The following SUPT16H variants were observed in gnomAD, a reference collection of about 807,000 sequenced individuals.
The protein encoded by SUPT16H is SPT16 homolog, facilitates chromatin remodeling subunit.
Under a neutral mutation model 136.2 loss-of-function variants are expected in SUPT16H, and 24 were observed. The ratio of observed to expected loss-of-function variants is 0.18; its 90% CI spans 0.13 to 0.25. SUPT16H has a LOEUF of 0.25. SUPT16H is among the 10% of genes least tolerant of loss of function. The pLI is 1.00. For missense variants in SUPT16H, 623 were observed against 1,270.2 expected, an observed-to-expected ratio of 0.49 and a Z score of 7.74; for synonymous variants, 415 against 428.2, an observed-to-expected ratio of 0.97 and a Z score of 0.38.
intron 2 of SUPT16H, among the ~76,000 whole-genome samples, chr14:21,373,042 C>CA (rs1886821505): frequency 6.6e-6 from 1 of 152,140 alleles, no homozygotes; most frequent in African/African-American, 2.4e-5. Context: ...CTCCTGGGGT[C>CA]ATGCCATCCT....
At chr14:21,363,533 T>A (rs10139379) in intron 10 of SUPT16H, 30 bp from the exon 11 acceptor site, 1,472,687 of 1,598,450 alleles carry the variant, frequency 0.92, 679,868 homozygotes, top group Non-Finnish European at 0.94. Flanking sequence ...GAAGACACAT[T>A]ATTTAAAAGA....
rs759726019 is a variant in SUPT16H, at chr14:21,359,618, A to G, written c.2176-9T>C. 6.2e-7 allele frequency: 1 copy of G among 1,612,686 alleles called. No individual in the cohort carries two copies. The highest frequency in any genetic ancestry group is 2.2e-5 in the East Asian group (1 of 44,874). ...CCAAACATGATGGCATTCTGTCGGC[A>G]TAAAACAGAAAGAACACAGAAGTCA... On this transcript the variant is annotated splice_polypyrimidine_tract_variant and intron_variant, in intron 18 of 25. Transcript: ENST00000216297.
chr14:21,369,484 T>C (rs1886741642), intron 5 of SUPT16H, 129 bp from the exon 6 acceptor site: 1 of 1,261,816 alleles, frequency 7.9e-7, no homozygotes, highest in South Asian at 1.5e-5. Flanking sequence ...CGCCAGGTAA[T>C]ATATTGGTAT....
Position 21,362,321 on chromosome 14 carries a change from T to C in SUPT16H, c.1669A>G (p.Ile557Val), listed in dbSNP as rs1011043946. Residue 557 changes from isoleucine to valine, a missense_variant, in exon 15 of 26, where the codon ATA becomes GTA. Ile to Val is a conservative substitution (Grantham distance 29). Coordinates refer to ENST00000216297, the MANE Select transcript of SUPT16H (RefSeq NM_007192.4). The stretch of plus-strand genomic sequence containing the variant: ...TAATCTCCTTCCACGGACATACTTA[T>C]ATTCTGTTCAAAGGAAAAGCATAAA... ...TPFHIATIKN[I>V]SMSVEGDYTY... 3.1e-6 allele frequency: 5 copies of C among 1,611,930 alleles called. No homozygotes were observed. The highest frequency in any genetic ancestry group is 4.2e-6 in the Non-Finnish European group (5 of 1,179,312).
rs115048692 is a variant in SUPT16H at position 21,367,167 on chromosome 14, A to G, written c.956-638T>C. Among the ~76,000 whole-genome samples, 1,487 of 152,236 alleles carry G rather than the reference A, an allele frequency of 9.8e-3. 22 individuals carry two copies. Among genetic ancestry groups the G allele is most frequent in the African/African-American group, 0.032 (1,319 of 41,528 alleles). On this transcript the variant is annotated intron_variant, in intron 7 of 25. Coordinates refer to ENST00000216297, the MANE Select transcript of SUPT16H (RefSeq NM_007192.4). ...TGTTAGCCAGGATGGTCCTGACCTCATGATCCGCCTACCTTGGCCTCCCAG... is the reference window on the plus strand; with the variant it reads ...TGTTAGCCAGGATGGTCCTGACCTCGTGATCCGCCTACCTTGGCCTCCCAG...
chr14:21,370,156 G>T (rs566350253), intron 4 of SUPT16H, among the ~76,000 whole-genome samples, 180 bp downstream of exon 4: 104 of 152,186 alleles, frequency 6.8e-4, no homozygotes, highest in Non-Finnish European at 1.4e-3. Context: ...TTTTTGTAAA[G>T]GCAGATAGAA....
intron 1 of SUPT16H, 60 bp downstream of exon 1, chr14:21,383,802 C>T (rs773235518): frequency 1.9e-6 from 3 of 1,592,892 alleles, no homozygotes; most frequent in Non-Finnish European, 2.6e-6. Context: ...CGCCGAGAAA[C>T]AGGGTTATTA....
Position 21,372,195 on chromosome 14 carries a change from T to C in SUPT16H, c.160-151A>G, listed in dbSNP as rs542324175. The C allele has an allele frequency of 1.8e-5, 15 of 816,874 alleles. No individual in the cohort carries two copies. In the South Asian group the frequency reaches 2.9e-4, roughly 16 times the overall value. 50.6% of individuals were successfully genotyped at this position (816,874 alleles called of 1,614,324 possible). ...TGGGGAGTCTGGAGTGGATACAAAT[T>C]AAGCAAGATCGGCCAAGAGTCGACA... On this transcript the variant is annotated intron_variant, in intron 2 of 25. Coordinates refer to ENST00000216297, the MANE Select transcript of SUPT16H (RefSeq NM_007192.4).
At chr14:21,355,011 TCACCTGA>T (rs1041333549) in intron 22 of SUPT16H, 1 of 153,210 alleles carries the variant, frequency 6.5e-6, no homozygotes, top group African/African-American at 2.4e-5. Context: ...GCTTTCTCCT[TCACCTGA>T]GTCTGAGCTC....
intron 1 of SUPT16H, among the ~76,000 whole-genome samples, chr14:21,381,256 G>GT (rs1300549530): frequency 6.6e-6 from 1 of 152,040 alleles, no homozygotes; most frequent in African/African-American, 2.4e-5. Flanking sequence ...AACTACAATT[G>GT]TTTTTAGGAC....
chr14:21,362,357 A>G (rs746389507), intron 14 of SUPT16H, 33 bp from the exon 15 acceptor site: 1 of 1,596,454 alleles, frequency 6.3e-7, no homozygotes, highest in East Asian at 2.3e-5. Flanking sequence ...AAGTAAACAG[A>G]TTTCTTTCCT....
At chr14:21,362,589 T>C (rs1281191353) in intron 14 of SUPT16H, among the ~76,000 whole-genome samples, 1 of 152,194 alleles carries the variant, frequency 6.6e-6, no homozygotes, top group Non-Finnish European at 1.5e-5. Context: ...AGGCAAATTA[T>C]GTTTCTAGAC....
At position 21,364,823 on chromosome 14, in the gene SUPT16H, A is replaced by T; in HGVS notation, c.1233+4T>A. 1 of 1,611,258 alleles carries T rather than the reference A, an allele frequency of 6.2e-7. No individual in the cohort carries two copies. The highest frequency in any genetic ancestry group is 1.3e-5 in the African/African-American group (1 of 74,932). ...AGACTCCAAAGTTTAGACACAATAC[A>T]CACCTCATCCACAAGCACTGTGTCA... On this transcript the variant is annotated splice_donor_region_variant and intron_variant, in intron 10 of 25. Transcript: ENST00000216297.
intron 10 of SUPT16H, among the ~76,000 whole-genome samples, chr14:21,363,819 C>T (rs1470639144): frequency 6.6e-6 from 1 of 152,144 alleles, no homozygotes; most frequent in African/African-American, 2.4e-5. Flanking sequence ...GCTGGAATTA[C>T]AGACGCGCAC....
intron 18 of SUPT16H, 89 bp from the exon 19 acceptor site, chr14:21,359,698 C>T (rs1395069490): frequency 1.3e-6 from 2 of 1,482,610 alleles, no homozygotes; most frequent in Admixed American, 2.2e-5. Flanking sequence ...TGGGCCTCCA[C>T]AGCATGCATG....
rs923267995 is a variant in SUPT16H at position 21,351,501 on chromosome 14, A to C, written c.*1172T>G. The C allele has an allele frequency of 1.2e-4, 34 of 276,286 alleles. No individual in the cohort carries two copies. The highest frequency in any genetic ancestry group is 5.7e-4 in the East Asian group (9 of 15,680). The allele number at this position is 276,286 out of a possible 1,614,324, so 17.1% of individuals were successfully genotyped here. On this transcript the variant is annotated 3_prime_UTR_variant, in exon 26 of 26. Transcript: ENST00000216297. Reference sequence around the variant, plus strand: ...TTTACAAAAACAAACAACAAAAAAAACCCAGTTTATTCATCTTTTAGTTCT... The same window carrying C: ...TTTACAAAAACAAACAACAAAAAAACCCCAGTTTATTCATCTTTTAGTTCT...
intron 10 of SUPT16H, among the ~76,000 whole-genome samples, 168 bp downstream of exon 10, chr14:21,364,659 C>G (rs1886627372): frequency 6.6e-6 from 1 of 152,136 alleles, no homozygotes; most frequent in Admixed American, 6.5e-5. Context: ...TTATATCATT[C>G]CCTATACCTG....
chr14:21,368,517 C>T (rs1159014323), intron 6 of SUPT16H, 76 bp from the exon 7 acceptor site: 7 of 1,422,720 alleles, frequency 4.9e-6, no homozygotes, highest in Non-Finnish European at 6.6e-6. Context: ...GACACGGTAT[C>T]AATAATCATT....
In SUPT16H at chr14:21,358,296, C is replaced by G; in HGVS notation, c.2414+19G>C. ...AAGACAGACCAGTCAAACTTCAAGCCAAAAATAAGATAGGTTACCCCAAGT... is the reference window on the plus strand; with the variant it reads ...AAGACAGACCAGTCAAACTTCAAGCGAAAAATAAGATAGGTTACCCCAAGT... On this transcript the variant is annotated intron_variant, in intron 20 of 25. Transcript: ENST00000216297. The G allele has an allele frequency of 2.6e-6, 4 of 1,529,970 alleles. No homozygotes were observed. Among genetic ancestry groups the G allele is most frequent in the Non-Finnish European group, 3.6e-6 (4 of 1,120,330 alleles). The allele number at this position is 1,529,970 out of a possible 1,614,324, so 94.8% of individuals were successfully genotyped here. A position where few individuals can be genotyped will look rare whatever the true frequency, so the allele number is the denominator to read the frequency against.
Sources: allele counts gnomAD v4.1 joint callset (sites outside exome capture counted in the v4.1 genomes callset), GRCh38; gene constraint gnomAD v4.1.1; transcripts MANE v1.5; gene names NCBI Gene and HGNC (gene_info 2026-07-23, HGNC 2026-07-21).